Variants in KPNA4 observed in about 807,000 individuals in gnomAD.
The protein encoded by KPNA4 is importin subunit alpha-3.
In KPNA4, 13 loss-of-function variants were observed where a neutral mutation model predicts 71.3. The observed-to-expected ratio is 0.18, with a 90% CI of 0.12 to 0.29. The LOEUF (loss-of-function observed/expected upper bound fraction) is 0.29. Ranked by LOEUF, KPNA4 falls within the 10% of genes least tolerant of loss-of-function variation. The probability of loss-of-function intolerance (pLI) is 1.00; values close to 1 mark genes in which losing one functional copy is unlikely to be tolerated. For missense variants in KPNA4, 334 were observed against 603.2 expected (o/e 0.55, Z 4.67); for synonymous variants, 189 against 195.2 (o/e 0.97, Z 0.26).
chr3:160,511,173 T>C (rs1194789957), intron 13 of KPNA4, among the ~76,000 whole-genome samples: 1 of 151,972 alleles, frequency 6.6e-6, no homozygotes, highest in Non-Finnish European at 1.5e-5. Flanking sequence ...TGGCGCAATC[T>C]TGGCTCACTG....
At chr3:160,525,255 G>A (rs1560048863) in intron 10 of KPNA4, among the ~76,000 whole-genome samples, 1 of 152,158 alleles carries the variant, frequency 6.6e-6, no homozygotes, top group East Asian at 1.9e-4. Context: ...GCCAGTCACT[G>A]TAACTGAGAA....
chr3:160,544,990 T>C (rs547748690), intron 1 of KPNA4, among the ~76,000 whole-genome samples: 46 of 152,180 alleles, frequency 3.0e-4, no homozygotes, highest in Non-Finnish European at 6.3e-4. Context: ...TATTTCATTT[T>C]ATGGAGAAAG....
chr3:160,495,547 C>T lies in KPNA4; in HGVS notation c.*6557G>A, dbSNP rs1239817178. On this transcript the variant is annotated 3_prime_UTR_variant, in exon 17 of 17. Transcript: ENST00000334256. ...AGGAAGATTTTAAAAACTAGCTTGT[C>T]TATATGAGTTCTATAAACATATGTA... is the stretch of plus-strand genomic sequence containing the variant. 1.3e-5 allele frequency: 2 copies of T among 151,986 alleles called. No homozygotes were observed. The highest frequency in any genetic ancestry group is 1.3e-4 in the Admixed American group (2 of 15,258). The allele number at this position is 151,986 out of a possible 1,614,324, so 9.4% of individuals were successfully genotyped here.
chr3:160,495,442 A>G lies in KPNA4; in HGVS notation c.*6662T>C, dbSNP rs746463788. The G allele has an allele frequency of 6.6e-6, 1 of 152,174 alleles. No individual in the cohort carries two copies. Among genetic ancestry groups the G allele is most frequent in the African/African-American group, 2.4e-5 (1 of 41,450 alleles). 9.4% of individuals were successfully genotyped at this position (152,174 alleles called of 1,614,324 possible). ...GGTAAAAACTTTTTAGTATTCTTTT[A>G]GTACTTCTGTTTCTGAATTAGACCG... On this transcript the variant is annotated 3_prime_UTR_variant, in exon 17 of 17. Coordinates refer to ENST00000334256, the MANE Select transcript of KPNA4 (RefSeq NM_002268.5).
intron 13 of KPNA4, among the ~76,000 whole-genome samples, chr3:160,511,971 A>C (rs1404309176): frequency 6.6e-6 from 1 of 152,194 alleles, no homozygotes; most frequent in African/African-American, 2.4e-5. Context: ...GTTATCTTAA[A>C]TATCCAATAA....
At chr3:160,561,183 A>G (rs1722237919) in intron 1 of KPNA4, among the ~76,000 whole-genome samples, 1 of 152,040 alleles carries the variant, frequency 6.6e-6, no homozygotes, top group Admixed American at 6.6e-5. Context: ...TTGTGTTTTT[A>G]AAAGATCTAG....
chr3:160,551,453 T>C (rs1388056762), intron 1 of KPNA4, among the ~76,000 whole-genome samples: 1 of 152,210 alleles, frequency 6.6e-6, no homozygotes, highest in Non-Finnish European at 1.5e-5. Flanking sequence ...GTTTAAGTTC[T>C]ATCTGGAAGC....
At chr3:160,553,651 G>C (rs1191928710) in intron 1 of KPNA4, among the ~76,000 whole-genome samples, 1 of 152,094 alleles carries the variant, frequency 6.6e-6, no homozygotes, top group Non-Finnish European at 1.5e-5. Context: ...TTCAAAACAA[G>C]TCCCCACTAG....
At chr3:160,505,982 T>C (rs1484210036) in intron 15 of KPNA4, among the ~76,000 whole-genome samples, 1 of 152,196 alleles carries the variant, frequency 6.6e-6, no homozygotes, top group Non-Finnish European at 1.5e-5. Context: ...AGTTGTATTC[T>C]TATTTGGTGA....
At chr3:160,523,233 G>A (rs1487626128) in intron 10 of KPNA4, among the ~76,000 whole-genome samples, 3 of 152,164 alleles carry the variant, frequency 2.0e-5, no homozygotes, top group African/African-American at 7.2e-5. Context: ...CACTTTGGGA[G>A]ACCAAGGCAG....
chr3:160,549,275 C>T (rs530657596), intron 1 of KPNA4, among the ~76,000 whole-genome samples: 1 of 152,230 alleles, frequency 6.6e-6, no homozygotes, highest in Admixed American at 6.5e-5. Flanking sequence ...TGCACATCAA[C>T]TTTTCAGTTT....
rs372335331 is a variant in KPNA4 at position 160,533,082 on chromosome 3, G to C, written c.288-1525C>G. Among the ~76,000 whole-genome samples the C allele has an allele frequency of 1.4e-4, 22 of 152,214 alleles. No individual in the cohort carries two copies. The East Asian group carries it at 4.2e-3, about 29-fold the overall frequency. On this transcript the variant is annotated intron_variant, in intron 5 of 16. Coordinates refer to ENST00000334256, the MANE Select transcript of KPNA4 (RefSeq NM_002268.5). ...TCTGTCACTCAGGCTGGAGTGCAGT[G>C]GTGCCACCTTGGCTCACTACAACCT...
rs746464839 is a variant in KPNA4 at position 160,515,084 on chromosome 3, T to C, written c.1032+368A>G. The C allele has an allele frequency of 1.9e-5, 10 of 519,450 alleles. No homozygotes were observed. In the East Asian group the frequency reaches 5.4e-4, roughly 28 times the overall value. 32.2% of individuals were successfully genotyped at this position (519,450 alleles called of 1,614,324 possible). On this transcript the variant is annotated intron_variant, in intron 12 of 16. Coordinates refer to ENST00000334256, the MANE Select transcript of KPNA4 (RefSeq NM_002268.5). ...TCAGCATCACCAGTCAGTGCCCCCT[T>C]TCCATAGCCACCACAAGCACACACA...
chr3:160,525,926 A>T lies in KPNA4; in HGVS notation c.726+12T>A, dbSNP rs556715229. 583 of 1,540,326 alleles carry T rather than the reference A, an allele frequency of 3.8e-4. 8 individuals are homozygous for T. In the South Asian group the frequency reaches 6.2e-3, roughly 16 times the overall value. On this transcript the variant is annotated intron_variant, in intron 9 of 16. Transcript: ENST00000334256. ...ATGGTATCTCTTTTAATTTTTTTTTAAAAGTGTTTACCTCCTGAATGGTTT... is the reference window on the plus strand; with the variant it reads ...ATGGTATCTCTTTTAATTTTTTTTTTAAAGTGTTTACCTCCTGAATGGTTT...
intron 8 of KPNA4, 108 bp from the exon 9 acceptor site, chr3:160,526,215 C>A (rs927131173): frequency 5.5e-5 from 43 of 786,758 alleles, no homozygotes; most frequent in Non-Finnish European, 7.5e-6. Flanking sequence ...TATCCAGATA[C>A]ACTGTTCAGT....
At chr3:160,550,919 T>C (rs116511595) in intron 1 of KPNA4, among the ~76,000 whole-genome samples, 107 of 152,312 alleles carry the variant, frequency 7.0e-4, no homozygotes, top group African/African-American at 2.5e-3. Flanking sequence ...CAGTATTCTG[T>C]TGAGGATTTT....
In KPNA4 at chr3:160,535,700, A is replaced by C. The variant is rs762972272; in HGVS notation, c.205-10T>G. 3.8e-6 allele frequency: 6 copies of C among 1,573,930 alleles called. No individual in the cohort carries two copies. Among genetic ancestry groups the C allele is most frequent in the Non-Finnish European group, 5.1e-6 (6 of 1,169,948 alleles). ...CTAGAGAGGTATTTTGCTGGGAAAA[A>C]AGTTAAAGAGAAAACTCAGTTAAAA... On this transcript the variant is annotated splice_polypyrimidine_tract_variant and intron_variant, in intron 3 of 16. Transcript: ENST00000334256.
At chr3:160,519,801 C>CAAAAAAAAAAAAAAAAAAAAA (rs558355699) in intron 11 of KPNA4, among the ~76,000 whole-genome samples, 1 of 83,692 alleles carries the variant, frequency 1.2e-5, no homozygotes, top group Non-Finnish European at 2.3e-5. Context: ...GACTCCGTCT[C>CAAAAAAAAAAAAAAAAAAAAA]AAAAAAAAAA....
chr3:160,565,550 G>A lies in KPNA4; in HGVS notation c.-268C>T, dbSNP rs1002672241. ...GGCGACGGAATGTGCTGCCGGCTGA[G>A]AGGGGGAGGCAGCCTCGATCTGAGG... On this transcript the variant is annotated 5_prime_UTR_variant, in exon 1 of 17. Coordinates refer to ENST00000334256, the MANE Select transcript of KPNA4 (RefSeq NM_002268.5). 2.4e-5 allele frequency: 13 copies of A among 533,370 alleles called. No individual in the cohort carries two copies. In the Admixed American group the frequency reaches 3.4e-4, roughly 14 times the overall value. The allele number at this position is 533,370 out of a possible 1,614,324, so 33.0% of individuals were successfully genotyped here. A position where few individuals can be genotyped will look rare whatever the true frequency, so the allele number is the denominator to read the frequency against.
Sources: allele counts gnomAD v4.1 joint callset (sites outside exome capture counted in the v4.1 genomes callset), GRCh38; gene constraint gnomAD v4.1.1; transcripts MANE v1.5; gene names NCBI Gene and HGNC (gene_info 2026-07-23, HGNC 2026-07-21).